Variants in PTPRN2 observed in about 807,000 individuals in gnomAD.
PTPRN2 encodes receptor-type tyrosine-protein phosphatase N2.
PTPRN2 carries 74 observed loss-of-function variants against 118.8 expected under a neutral mutation model. The observed-to-expected ratio is 0.62, with a 90% confidence interval of 0.52 to 0.76. The LOEUF (loss-of-function observed/expected upper bound fraction) is 0.76, where lower values mean the gene tolerates loss of function less well. Ranked by LOEUF, PTPRN2 falls within the 30% of genes least tolerant of loss-of-function variation. PTPRN2 has a pLI of 0.00. For synonymous variants in PTPRN2, 641 were observed against 608.0 expected (o/e 1.05, Z -0.80); for missense variants, 1,481 against 1,394.4 (o/e 1.06, Z -0.99).
At chr7:157,803,368 C>T (rs1314276401) in intron 12 of PTPRN2, among the ~76,000 whole-genome samples, 2 of 152,222 alleles carry the variant, frequency 1.3e-5, no homozygotes, top group Non-Finnish European at 2.9e-5. Flanking sequence ...CCACCACTCA[C>T]CCTACCTTTC....
intron 11 of PTPRN2, among the ~76,000 whole-genome samples, chr7:157,938,326 A>T (rs1799844031): frequency 6.6e-6 from 1 of 152,248 alleles, no homozygotes; most frequent in East Asian, 1.9e-4. Context: ...ACAGCTGCAC[A>T]TGCCTGCAGT....
rs1330330862 is a variant in PTPRN2 at position 157,646,975 on chromosome 7, T to C, written c.2196+9382A>G. Among the ~76,000 whole-genome samples the C allele has an allele frequency of 3.4e-5, 5 of 146,714 alleles. No homozygotes were observed. The East Asian group carries it at 1.1e-3, about 32-fold the overall frequency. On this transcript the variant is annotated intron_variant, in intron 14 of 22. Transcript: ENST00000389418. The stretch of plus-strand genomic sequence containing the variant: ...CACTGAACTCGGTGGGTTGGACCCA[T>C]TCACTGTGCACTGAACTCGGTGGGT...
At chr7:157,876,685 C>CCAAGAGTG (rs1174908826) in intron 12 of PTPRN2, among the ~76,000 whole-genome samples, 3 of 152,194 alleles carry the variant, frequency 2.0e-5, no homozygotes, top group African/African-American at 7.2e-5. Context: ...GCACTGCACC[C>CCAAGAGTG]CAAGAGTGAG....
chr7:158,135,859 T>C (rs1818759438), intron 8 of PTPRN2, among the ~76,000 whole-genome samples: 1 of 152,230 alleles, frequency 6.6e-6, no homozygotes, highest in Non-Finnish European at 1.5e-5. Flanking sequence ...AAGACTCTTC[T>C]TTCTCCACCC....
chr7:158,104,131 G>A (rs1815472492), intron 10 of PTPRN2, among the ~76,000 whole-genome samples: 1 of 152,198 alleles, frequency 6.6e-6, no homozygotes, highest in African/African-American at 2.4e-5. Context: ...AAAGTTCTGG[G>A]ATTACAGGCA....
rs1278791536 is a variant in PTPRN2 at position 157,869,969 on chromosome 7, C to T, written c.1788+28704G>A. Among the ~76,000 whole-genome samples the T allele has an allele frequency of 6.6e-6, 1 of 152,212 alleles. No individual in the cohort carries two copies. The highest frequency in any genetic ancestry group is 1.5e-5 in the Non-Finnish European group (1 of 68,046). On this transcript the variant is annotated intron_variant, in intron 12 of 22. Transcript: ENST00000389418. This position sits in a 1 kb window ranked among gnomAD's most constrained non-coding sequence, Gnocchi z 4.2. ...TGCTGTTGCTTCGATGGGACCCCTT[C>T]CGCCTCTCGGTAGCCACTGCTGTGG...
chr7:158,551,704 T>C (rs1826670982), intron 1 of PTPRN2, among the ~76,000 whole-genome samples: 1 of 50,466 alleles, frequency 2.0e-5, no homozygotes, highest in Admixed American at 2.0e-4. Context: ...GGTGGGGCTC[T>C]AACACATGCA....
intron 3 of PTPRN2, among the ~76,000 whole-genome samples, chr7:158,275,613 C>T (rs1170532629): frequency 1.3e-5 from 2 of 152,160 alleles, no homozygotes; most frequent in Non-Finnish European, 2.9e-5. Context: ...ATTCTTTCAC[C>T]ACCATTAATA....
rs140893924 is a variant in PTPRN2, at chr7:158,409,929, C to T, written c.163+79806G>A. ...TGTTTTTTTGAGCAGCTTCCATGAACTTGCCTTCCAAAGTTTTCTGAAAAC... is the reference window on the plus strand; with the variant it reads ...TGTTTTTTTGAGCAGCTTCCATGAATTTGCCTTCCAAAGTTTTCTGAAAAC... On this transcript the variant is annotated intron_variant, in intron 2 of 22. Coordinates refer to ENST00000389418, the MANE Select transcript of PTPRN2 (RefSeq NM_002847.5). Among the ~76,000 whole-genome samples, 460 of 152,334 alleles carry T rather than the reference C, an allele frequency of 3.0e-3. 2 individuals are homozygous for T. The highest frequency in any genetic ancestry group is 5.2e-3 in the Non-Finnish European group (353 of 68,038).
intron 2 of PTPRN2, among the ~76,000 whole-genome samples, chr7:158,421,548 A>G (rs1815249736): frequency 6.6e-6 from 1 of 152,246 alleles, no homozygotes; most frequent in South Asian, 2.1e-4. Context: ...AAAGAAAGAA[A>G]CGCAGCAGAT....
intron 12 of PTPRN2, among the ~76,000 whole-genome samples, chr7:157,743,456 A>G (rs1800751137): frequency 6.6e-6 from 1 of 152,202 alleles, no homozygotes; most frequent in Non-Finnish European, 1.5e-5. Context: ...CAGGCACGGG[A>G]TAGGCCACAT....
intron 11 of PTPRN2, among the ~76,000 whole-genome samples, chr7:157,926,107 TACCACTAA>T (rs1407605380): frequency 6.6e-6 from 1 of 152,262 alleles, no homozygotes; most frequent in Non-Finnish European, 1.5e-5. Context: ...TCTGTCTATC[TACCACTAA>T]ACCACAGCCA....
chr7:158,348,271 G>A (rs12698216), intron 2 of PTPRN2, among the ~76,000 whole-genome samples: 21 of 122,654 alleles, frequency 1.7e-4, no homozygotes, highest in Middle Eastern at 5.4e-3. Flanking sequence ...CCCTGGGTTC[G>A]CCATTCACAG....
chr7:158,517,460 G>T lies in PTPRN2; in HGVS notation c.113-27675C>A, dbSNP rs1823654127. Reference sequence around the variant, plus strand: ...CCCAAGTCTCCCTCAGTCCTTCCCAGACATCTCTTAAGGGGCCTGACTCTG... The same window carrying T: ...CCCAAGTCTCCCTCAGTCCTTCCCATACATCTCTTAAGGGGCCTGACTCTG... On this transcript the variant is annotated intron_variant, in intron 1 of 22. Transcript: ENST00000389418. The surrounding 1 kb of genome is among the most constrained non-coding windows in gnomAD (Gnocchi z 5.3). Among the ~76,000 whole-genome samples the T allele has an allele frequency of 6.6e-6, 1 of 152,070 alleles. No individual in the cohort carries two copies. The highest frequency in any genetic ancestry group is 1.5e-5 in the Non-Finnish European group (1 of 68,000).
At chr7:157,805,544 T>C (rs1398795683) in intron 12 of PTPRN2, among the ~76,000 whole-genome samples, 2 of 152,160 alleles carry the variant, frequency 1.3e-5, no homozygotes, top group African/African-American at 2.4e-5. Flanking sequence ...ATTAGACACA[T>C]AGAACATGTA....
intron 14 of PTPRN2, among the ~76,000 whole-genome samples, chr7:157,634,225 C>A (rs991070724): frequency 6.6e-6 from 1 of 152,094 alleles, no homozygotes; most frequent in African/African-American, 2.4e-5. Context: ...AAGGAAAGAC[C>A]CTAATGATTT....
chr7:157,996,708 C>CT (rs944958551), intron 11 of PTPRN2, among the ~76,000 whole-genome samples: 247 of 152,320 alleles, frequency 1.6e-3, no homozygotes, highest in African/African-American at 5.7e-3. Flanking sequence ...TCTAGCTTTT[C>CT]TTTTTTTAAG....
chr7:158,211,660 A>T (rs989154316), intron 3 of PTPRN2, among the ~76,000 whole-genome samples: 154 of 152,314 alleles, frequency 1.0e-3, no homozygotes, highest in African/African-American at 3.7e-3. Context: ...TCAAACCTAC[A>T]ATGAGATATC....
rs565035459 is a variant in PTPRN2, at chr7:157,557,495, A to G, written c.2903-8476T>C. 3.2e-4 allele frequency among the ~76,000 whole-genome samples: 48 copies of G among 151,110 alleles called. 1 individual carries two copies. The highest frequency in any genetic ancestry group is 2.8e-3 in the Admixed American group (42 of 15,156). The stretch of plus-strand genomic sequence containing the variant: ...TGCACACACCTATGTGCATGCACAC[A>G]CAGGTACACACGGCATGCATAGGCC... On this transcript the variant is annotated intron_variant, in intron 21 of 22. Coordinates refer to ENST00000389418, the MANE Select transcript of PTPRN2 (RefSeq NM_002847.5).
Sources: allele counts gnomAD v4.1 joint callset (sites outside exome capture counted in the v4.1 genomes callset), GRCh38; gene constraint gnomAD v4.1.1; non-coding constraint Gnocchi (gnomAD v3.1); transcripts MANE v1.5; gene names NCBI Gene and HGNC (gene_info 2026-07-23, HGNC 2026-07-21).